Variants in CLYBL observed in about 807,000 individuals in gnomAD.
CLYBL encodes the protein citramalyl-CoA lyase.
Under a neutral mutation model 38.9 loss-of-function variants are expected in CLYBL, and 31 were observed. The observed-to-expected ratio is 0.80, with a 90% CI of 0.60 to 1.08. The LOEUF is 1.08. Among genes scored for constraint, CLYBL ranks in the 50% least tolerant of loss-of-function variants. The pLI, the probability that CLYBL is intolerant of heterozygous loss-of-function variation, is 0.00. For synonymous variants in CLYBL, 171 were observed against 158.6 expected (o/e 1.08, Z -0.59); for missense variants, 434 against 411.6 (o/e 1.05, Z -0.47).
At chr13:99,680,549 C>T (rs912271038) in intron 1 of CLYBL, among the ~76,000 whole-genome samples, 2 of 152,178 alleles carry the variant, frequency 1.3e-5, no homozygotes, top group Non-Finnish European at 2.9e-5. Flanking sequence ...AAATAAACCC[C>T]TCATCCTCAA....
At chr13:99,719,102 T>C (rs1043947178) in intron 1 of CLYBL, among the ~76,000 whole-genome samples, 1 of 152,082 alleles carries the variant, frequency 6.6e-6, no homozygotes, top group Non-Finnish European at 1.5e-5. Context: ...AGCTGCCTGT[T>C]TGGCCTCCCA....
intron 2 of CLYBL, among the ~76,000 whole-genome samples, chr13:99,807,488 A>G (rs1447829611): frequency 6.6e-6 from 1 of 152,210 alleles, no homozygotes; most frequent in Non-Finnish European, 1.5e-5. Context: ...CTTTGTTTTT[A>G]AAAAGGAAAG....
At chr13:99,743,198 C>A (rs1428065831) in intron 1 of CLYBL, among the ~76,000 whole-genome samples, 1 of 152,054 alleles carries the variant, frequency 6.6e-6, no homozygotes, top group Non-Finnish European at 1.5e-5. Flanking sequence ...ACCTGAATTG[C>A]TTTTAATTAC....
At chr13:99,755,411 G>C (rs897024612) in intron 1 of CLYBL, among the ~76,000 whole-genome samples, 3 of 152,114 alleles carry the variant, frequency 2.0e-5, no homozygotes, top group African/African-American at 7.2e-5. Flanking sequence ...TGGGGTACAG[G>C]AAATGCATGA....
intron 1 of CLYBL, among the ~76,000 whole-genome samples, chr13:99,711,403 C>CTTTTTTTTTTTTTTTT (rs71215540): frequency 1.2e-5 from 1 of 83,190 alleles, no homozygotes; most frequent in Non-Finnish European, 2.1e-5. Context: ...GGGAGTCCGT[C>CTTTTTTTTTTTTTTTT]TTTTTTTTTT....
chr13:99,821,861 G>A (rs2050594536), intron 2 of CLYBL, among the ~76,000 whole-genome samples: 1 of 152,170 alleles, frequency 6.6e-6, no homozygotes, highest in Non-Finnish European at 1.5e-5. Context: ...AATGTCTGTG[G>A]TAGACCCCAG....
intron 1 of CLYBL, among the ~76,000 whole-genome samples, chr13:99,666,161 G>A (rs2047478075): frequency 1.3e-5 from 2 of 152,156 alleles, no homozygotes; most frequent in African/African-American, 4.8e-5. Context: ...GAGGCAACAA[G>A]GCCCAGAAGT....
chr13:99,659,379 G>A lies in CLYBL; in HGVS notation c.62+52622G>A, dbSNP rs916798559. Among the ~76,000 whole-genome samples, 120 of 152,148 alleles carry A rather than the reference G, an allele frequency of 7.9e-4. 1 individual carries two copies. The highest frequency in any genetic ancestry group is 2.4e-4 in the Non-Finnish European group (16 of 68,030). The stretch of plus-strand genomic sequence containing the variant: ...AAGTTCCGTTAAGTGGGCTTTCACA[G>A]GTTTCCATCTGCTGTGTTTAATAGC... On this transcript the variant is annotated intron_variant, in intron 1 of 8. Transcript: ENST00000339105.
intron 1 of CLYBL, among the ~76,000 whole-genome samples, chr13:99,658,287 G>A (rs2139322659): frequency 6.6e-6 from 1 of 152,368 alleles, no homozygotes; most frequent in Non-Finnish European, 1.5e-5. Context: ...GAGCTCTCAA[G>A]AGAAAGAATT....
At chr13:99,682,405 G>T (rs1566608675) in intron 1 of CLYBL, among the ~76,000 whole-genome samples, 1 of 152,152 alleles carries the variant, frequency 6.6e-6, no homozygotes. Context: ...GCCTCCCAAA[G>T]TGCTGGGATA....
intron 2 of CLYBL, chr13:99,783,887 T>C (rs2049719882): frequency 6.6e-6 from 1 of 152,284 alleles, no homozygotes; most frequent in Non-Finnish European, 1.5e-5. Context: ...CATAACATTA[T>C]TGAGTGCTAT....
intron 1 of CLYBL, among the ~76,000 whole-genome samples, chr13:99,651,557 G>A (rs1055665842): frequency 3.4e-5 from 5 of 149,246 alleles, no homozygotes; most frequent in Admixed American, 1.3e-4. Context: ...GTGACACAGC[G>A]AGACCCCGTC....
chr13:99,739,791 A>G (rs1291982528), intron 1 of CLYBL, among the ~76,000 whole-genome samples: 2 of 152,200 alleles, frequency 1.3e-5, no homozygotes, highest in Admixed American at 1.3e-4. Flanking sequence ...CCTAACCAAC[A>G]TGGTGAAACT....
intron 2 of CLYBL, among the ~76,000 whole-genome samples, chr13:99,773,602 C>T (rs150380952): frequency 7.2e-5 from 11 of 152,234 alleles, no homozygotes; most frequent in African/African-American, 2.6e-4. Flanking sequence ...GCCGCCCCAC[C>T]TCCCATGGAA....
At chr13:99,663,902 C>G (rs2047443687) in intron 1 of CLYBL, among the ~76,000 whole-genome samples, 1 of 152,196 alleles carries the variant, frequency 6.6e-6, no homozygotes, top group South Asian at 2.1e-4. Context: ...TATTTTGTTT[C>G]ACGTGATGCA....
At chr13:99,826,732 G>A (rs1041012215) in intron 2 of CLYBL, among the ~76,000 whole-genome samples, 1 of 152,182 alleles carries the variant, frequency 6.6e-6, no homozygotes, top group Admixed American at 6.5e-5. Flanking sequence ...CAGAAGTGGG[G>A]AGTTCAAATC....
intron 1 of CLYBL, among the ~76,000 whole-genome samples, chr13:99,652,692 C>A (rs2047272230): frequency 6.6e-6 from 1 of 152,230 alleles, no homozygotes; most frequent in South Asian, 2.1e-4. Flanking sequence ...AATGTTCCAG[C>A]AATGCTACCC....
chr13:99,688,882 T>C (rs1174427199), intron 1 of CLYBL, among the ~76,000 whole-genome samples: 1 of 152,230 alleles, frequency 6.6e-6, no homozygotes, highest in Non-Finnish European at 1.5e-5. Flanking sequence ...TTGGCAGTCA[T>C]ATTTGGGCAG....
At chr13:99,868,888 A>G (rs959518790) in intron 6 of CLYBL, among the ~76,000 whole-genome samples, 5 of 152,236 alleles carry the variant, frequency 3.3e-5, no homozygotes, top group Non-Finnish European at 7.3e-5. Flanking sequence ...GAAGACAAAA[A>G]TGACACCATC....
Sources: gnomAD v4.1 joint callset for allele counts (sites outside exome capture counted in the v4.1 genomes callset) on GRCh38, gnomAD v4.1.1 for gene constraint, MANE v1.5 for transcripts, NCBI Gene and HGNC (gene_info 2026-07-23, HGNC 2026-07-21) for gene names.